Variants in NCKAP5 observed in about 807,000 individuals in gnomAD.
NCKAP5 encodes nck-associated protein 5.
A neutral mutation model predicts 167.0 loss-of-function variants in NCKAP5; 92 were observed. The observed-to-expected ratio is 0.55, with a 90% CI of 0.47 to 0.66. The LOEUF is 0.66. Ranked by LOEUF, NCKAP5 falls within the 30% of genes least tolerant of loss-of-function variation. The probability of loss-of-function intolerance (pLI) is 0.00; values close to 1 mark genes in which losing one functional copy is unlikely to be tolerated. For synonymous variants in NCKAP5, 891 were observed against 877.4 expected, an observed-to-expected ratio of 1.02 and a Z score of -0.27; for missense variants, 2,378 against 2,315.0, an observed-to-expected ratio of 1.03 and a Z score of -0.56.
At chr2:132,780,910 T>C (rs1682974250) in intron 15 of NCKAP5, 142 bp downstream of exon 15, 2 of 925,546 alleles carry the variant, frequency 2.2e-6, no homozygotes, top group Non-Finnish European at 1.6e-6. Flanking sequence ...TCGCTCTCTT[T>C]TTACAAATCC....
intron 6 of NCKAP5, among the ~76,000 whole-genome samples, chr2:133,075,361 C>G (rs1394244444): frequency 2.0e-5 from 3 of 152,062 alleles, no homozygotes; most frequent in Non-Finnish European, 4.4e-5. Flanking sequence ...GCTAAAGGAG[C>G]CGCTTCAAGA....
chr2:132,731,708 T>C, intron 17 of NCKAP5, 29 bp downstream of exon 17: 1 of 1,539,450 alleles, frequency 6.5e-7, no homozygotes, highest in African/African-American at 1.4e-5. Context: ...AGCAAATGTC[T>C]TATTAAGGGT....
chr2:133,150,046 G>GA, intron 5 of NCKAP5, among the ~76,000 whole-genome samples: 1 of 152,196 alleles, frequency 6.6e-6, no homozygotes, highest in South Asian at 2.1e-4. Context: ...CTTAATAACA[G>GA]AAACAACAGG....
intron 3 of NCKAP5, among the ~76,000 whole-genome samples, chr2:133,374,685 C>G (rs571058046): frequency 6.6e-6 from 1 of 152,046 alleles, no homozygotes; most frequent in African/African-American, 2.4e-5. Flanking sequence ...TGTGGGACAT[C>G]TCTGTACCTT....
In NCKAP5 at chr2:133,379,972, A is replaced by C. The variant is rs551926392; in HGVS notation, c.70-76862T>G. On this transcript the variant is annotated intron_variant, in intron 3 of 19. Coordinates refer to ENST00000409261, the MANE Select transcript of NCKAP5 (RefSeq NM_207363.3). ...ATTGGAAAGATGTTCATACTATTAC[A>C]ATATATAACTGTCAAAAAGCAAATT... 8.4e-4 allele frequency among the ~76,000 whole-genome samples: 128 copies of C among 152,354 alleles called. 1 individual carries two copies. The highest frequency in any genetic ancestry group is 2.9e-3 in the African/African-American group (121 of 41,594).
intron 8 of NCKAP5, among the ~76,000 whole-genome samples, chr2:132,932,984 G>C (rs1055037944): frequency 6.8e-6 from 1 of 147,558 alleles, no homozygotes; most frequent in African/African-American, 2.5e-5. Context: ...GAGTGCAGTG[G>C]AACGATCTCG....
chr2:132,783,740 G>C lies in NCKAP5; in HGVS notation c.3071C>G (p.Ala1024Gly). Residue 1024 changes from alanine to glycine, a missense_variant, in exon 14 of 20, where the codon GCC becomes GGC. Physicochemically the swap from Ala to Gly is moderately conservative, Grantham distance 60. Coordinates refer to ENST00000409261, the MANE Select transcript of NCKAP5 (RefSeq NM_207363.3). ...CATTACGGTGAAGGAGCTGGAGGGG[G>C]CATGAGCAGGGCATCGGGTTTGAAT... ...AVIQTRCPAH[A>G]PSSSFTVMAL... 3.7e-6 allele frequency: 6 copies of C among 1,605,682 alleles called. No individual in the cohort carries two copies. Among genetic ancestry groups the C allele is most frequent in the Non-Finnish European group, 5.1e-6 (6 of 1,176,178 alleles).
chr2:132,689,629 G>T (rs1353278591), intron 19 of NCKAP5, among the ~76,000 whole-genome samples: 1 of 152,104 alleles, frequency 6.6e-6, no homozygotes, highest in Non-Finnish European at 1.5e-5. Context: ...CCCACAGCAG[G>T]CATTGCTTAT....
the NCKAP5 span, among the ~76,000 whole-genome samples, chr2:133,628,654 G>C: frequency 6.6e-6 from 1 of 151,986 alleles, no homozygotes. Flanking sequence ...CATTCACAGG[G>C]CACCAAAAAA....
intron 8 of NCKAP5, among the ~76,000 whole-genome samples, chr2:132,910,179 G>A (rs964779098): frequency 6.6e-6 from 1 of 151,960 alleles, no homozygotes; most frequent in African/African-American, 2.4e-5. Flanking sequence ...TTTGATACAG[G>A]CATGCAATGT....
At chr2:133,546,919 G>T (rs369809598) in intron 2 of NCKAP5, among the ~76,000 whole-genome samples, 6 of 152,212 alleles carry the variant, frequency 3.9e-5, no homozygotes, top group East Asian at 1.9e-4. Flanking sequence ...AGCTCCCAGC[G>T]TGAGCAACAC....
chr2:133,309,873 TCCAA>T (rs886973142), intron 3 of NCKAP5, among the ~76,000 whole-genome samples: 3 of 152,166 alleles, frequency 2.0e-5, no homozygotes, highest in African/African-American at 7.2e-5. Context: ...CTTGCAGAGA[TCCAA>T]AAATCCCTCC....
intron 3 of NCKAP5, among the ~76,000 whole-genome samples, chr2:133,396,575 A>G (rs1354171701): frequency 1.3e-5 from 2 of 152,282 alleles, no homozygotes; most frequent in East Asian, 3.9e-4. Flanking sequence ...TAGAAGTATC[A>G]TTCTGATATC....
intron 11 of NCKAP5, among the ~76,000 whole-genome samples, chr2:132,821,476 G>C (rs1242532751): frequency 6.6e-6 from 1 of 152,182 alleles, no homozygotes; most frequent in Non-Finnish European, 1.5e-5. Context: ...AGGGGTTGCT[G>C]GGTAAAGGAA....
At chr2:133,207,224 C>T (rs1232399284) in intron 5 of NCKAP5, among the ~76,000 whole-genome samples, 1 of 151,972 alleles carries the variant, frequency 6.6e-6, no homozygotes, top group Admixed American at 6.6e-5. Flanking sequence ...TGGTGTCACC[C>T]CTGGAGACAC....
chr2:132,831,367 G>T lies in NCKAP5; in HGVS notation c.807+29125C>A, dbSNP rs551909385. 1.2e-3 allele frequency among the ~76,000 whole-genome samples: 178 copies of T among 152,290 alleles called. 1 individual carries two copies. The highest frequency in any genetic ancestry group is 3.9e-3 in the African/African-American group (164 of 41,564). On this transcript the variant is annotated intron_variant, in intron 11 of 19. Coordinates refer to ENST00000409261, the MANE Select transcript of NCKAP5 (RefSeq NM_207363.3). ...CATACTTAAATTTTTGTTATAAAGA[G>T]CCAAATTACCTTTCAACAAAAGTGT...
At chr2:133,099,121 C>G (rs771735208) in intron 6 of NCKAP5, among the ~76,000 whole-genome samples, 8 of 152,098 alleles carry the variant, frequency 5.3e-5, no homozygotes, top group Non-Finnish European at 1.2e-4. Context: ...GGGCAAGTTA[C>G]TGTGGTTCTT....
chr2:133,036,825 C>T (rs957859821), intron 6 of NCKAP5, among the ~76,000 whole-genome samples: 4 of 151,980 alleles, frequency 2.6e-5, no homozygotes, highest in Non-Finnish European at 5.9e-5. Context: ...CTGGAGCAAT[C>T]AGACAAGAGA....
At chr2:133,155,904 C>T (rs35732258) in intron 5 of NCKAP5, among the ~76,000 whole-genome samples, 1 of 152,258 alleles carries the variant, frequency 6.6e-6, no homozygotes, top group South Asian at 2.1e-4. Context: ...TCTTTTTCTA[C>T]GTGTGTGCAC....
Sources: gnomAD v4.1 joint callset for allele counts (sites outside exome capture counted in the v4.1 genomes callset) on GRCh38, gnomAD v4.1.1 for gene constraint, MANE v1.5 for transcripts, NCBI Gene and HGNC (gene_info 2026-07-23, HGNC 2026-07-21) for gene names.